GLIS3: variants seen among roughly 807,000 people sequenced by gnomAD.
GLIS3 encodes zinc finger protein GLIS3.
GLIS3 carries 53 observed loss-of-function variants against 78.6 expected under a neutral mutation model. The observed-to-expected ratio is 0.67, with a 90% CI of 0.54 to 0.85. The LOEUF (loss-of-function observed/expected upper bound fraction) is 0.85. Ranked by LOEUF, GLIS3 falls within the 40% of genes least tolerant of loss-of-function variation. The pLI, the probability that GLIS3 is intolerant of heterozygous loss-of-function variation, is 0.00. For missense variants in GLIS3, 1,703 were observed against 1,231.1 expected (o/e 1.38, Z -5.74); for synonymous variants, 684 against 509.9 (o/e 1.34, Z -4.60).
intron 4 of GLIS3, among the ~76,000 whole-genome samples, chr9:3,953,475 T>C (rs1033074896): frequency 6.6e-6 from 1 of 152,326 alleles, no homozygotes; most frequent in Non-Finnish European, 1.5e-5. Context: ...TACACTGACT[T>C]CCACATCTCT....
At chr9:4,296,903 CAAAAAAAAA>C (rs71324297) in intron 1 of GLIS3, among the ~76,000 whole-genome samples, 18 of 114,154 alleles carry the variant, frequency 1.6e-4, no homozygotes, top group East Asian at 1.3e-3. Flanking sequence ...TTCTCAATTG[CAAAAAAAAA>C]AAAAAAAAAA....
At chr9:4,340,813 A>C (rs1255211726) in intron 2 of GLIS3, among the ~76,000 whole-genome samples, 3 of 152,144 alleles carry the variant, frequency 2.0e-5, no homozygotes, top group African/African-American at 7.2e-5. Flanking sequence ...TCCCTGCCTC[A>C]GCCACCCAAG....
At chr9:3,992,970 T>C (rs1820442684) in intron 4 of GLIS3, among the ~76,000 whole-genome samples, 1 of 152,216 alleles carries the variant, frequency 6.6e-6, no homozygotes, top group Non-Finnish European at 1.5e-5. Flanking sequence ...TTGTGTGACA[T>C]GGAGCCAACC....
chr9:3,965,257 G>C (rs1464239850), intron 4 of GLIS3, among the ~76,000 whole-genome samples: 1 of 139,764 alleles, frequency 7.2e-6, no homozygotes, highest in African/African-American at 2.7e-5. Context: ...GCAGTGGCGT[G>C]ATCTCGGCTC....
At chr9:4,352,735 C>T (rs1486481667), upstream of GLIS3, among the ~76,000 whole-genome samples, 1 of 152,226 alleles carries the variant, frequency 6.6e-6, no homozygotes, top group Non-Finnish European at 1.5e-5. Flanking sequence ...TGCCTTTGTG[C>T]TGCTGGCTCT....
At chr9:4,192,710 T>C (rs962622097) in intron 2 of GLIS3, among the ~76,000 whole-genome samples, 1 of 150,632 alleles carries the variant, frequency 6.6e-6, no homozygotes, top group Non-Finnish European at 1.5e-5. Flanking sequence ...GGAAGTGAAA[T>C]GATAAGAACA....
At chr9:4,354,082 T>C in the GLIS3 span, among the ~76,000 whole-genome samples, 5 of 151,662 alleles carry the variant, frequency 3.3e-5, no homozygotes, top group Admixed American at 2.0e-4. Flanking sequence ...GTGATCCGCC[T>C]GCCTCAGCCT....
the GLIS3 span, among the ~76,000 whole-genome samples, chr9:4,361,088 G>A: frequency 7.9e-5 from 12 of 152,318 alleles, no homozygotes; most frequent in Admixed American, 2.6e-4. Flanking sequence ...ATTGGATGCT[G>A]TGGAACACCT....
chr9:3,871,541 A>G (rs1265028208), intron 8 of GLIS3, among the ~76,000 whole-genome samples: 2 of 152,074 alleles, frequency 1.3e-5, no homozygotes, highest in African/African-American at 2.4e-5. Context: ...TCAGTTCTTG[A>G]CTTCTGTGTA....
intron 4 of GLIS3, among the ~76,000 whole-genome samples, chr9:4,020,161 C>A (rs1822764318): frequency 6.6e-6 from 1 of 152,108 alleles, no homozygotes; most frequent in South Asian, 2.1e-4. Context: ...GAAGAGAGTT[C>A]AAAGCAAAGG....
chr9:4,156,365 G>A (rs10156626), intron 2 of GLIS3, among the ~76,000 whole-genome samples: 33,272 of 152,074 alleles, frequency 0.22, 3,818 homozygotes, highest in Non-Finnish European at 0.24. Context: ...CAGGAGAGAA[G>A]CACTAAATCA....
the GLIS3 span, among the ~76,000 whole-genome samples, chr9:4,360,404 C>T: frequency 6.6e-6 from 1 of 152,162 alleles, no homozygotes; most frequent in Non-Finnish European, 1.5e-5. Context: ...ATCATCCCCA[C>T]CAGCTCAGAC....
At chr9:4,085,657 C>A (rs2130723092) in intron 4 of GLIS3, among the ~76,000 whole-genome samples, 1 of 152,284 alleles carries the variant, frequency 6.6e-6, no homozygotes, top group East Asian at 1.9e-4. Context: ...TGGGAGGTGA[C>A]TAGCTTTATC....
At chr9:4,417,618 C>T in the GLIS3 span, among the ~76,000 whole-genome samples, 1 of 152,150 alleles carries the variant, frequency 6.6e-6, no homozygotes, top group African/African-American at 2.4e-5. Flanking sequence ...TGTGTAAATA[C>T]ATCTGTAGGG....
chr9:4,286,789 C>G lies in GLIS3; in HGVS notation c.-98-266G>C, dbSNP rs545845331. 2.0e-5 allele frequency among the ~76,000 whole-genome samples: 3 copies of G among 152,298 alleles called. No homozygotes were observed. In the South Asian group the frequency reaches 6.2e-4, roughly 32 times the overall value. The stretch of plus-strand genomic sequence containing the variant: ...AATACAGTGCTCTCGGCAACTACAA[C>G]AATCTACTGGTGCCAGCTTGCAAAA... On this transcript the variant is annotated intron_variant, in intron 1 of 10. Coordinates refer to ENST00000381971, the MANE Select transcript of GLIS3 (RefSeq NM_001042413.2).
intron 6 of GLIS3, among the ~76,000 whole-genome samples, chr9:3,919,653 A>T (rs184339448): frequency 6.6e-6 from 1 of 151,826 alleles, no homozygotes; most frequent in Non-Finnish European, 1.5e-5. Flanking sequence ...AAAAATAAAA[A>T]AAAAAAATTA....
chr9:4,164,237 C>G (rs1222236993), intron 2 of GLIS3, among the ~76,000 whole-genome samples: 1 of 152,170 alleles, frequency 6.6e-6, no homozygotes, highest in African/African-American at 2.4e-5. Flanking sequence ...TTATCTCTGT[C>G]TCAGGAAGGC....
At chr9:4,084,828 T>C (rs1828885575) in intron 4 of GLIS3, among the ~76,000 whole-genome samples, 2 of 152,180 alleles carry the variant, frequency 1.3e-5, no homozygotes, top group African/African-American at 4.8e-5. Context: ...GCCATTAATC[T>C]GTACATCTCA....
chr9:4,147,777 C>A (rs909730550), intron 2 of GLIS3: 4 of 150,932 alleles, frequency 2.7e-5, no homozygotes, highest in Non-Finnish European at 5.9e-5. Context: ...CACCCACCCA[C>A]CTTTCTGGAA....
Sources: allele counts gnomAD v4.1 joint callset (sites outside exome capture counted in the v4.1 genomes callset), GRCh38; gene constraint gnomAD v4.1.1; transcripts MANE v1.5; gene names NCBI Gene and HGNC (gene_info 2026-07-23, HGNC 2026-07-21).